TRPC4: variants seen among roughly 807,000 people sequenced by gnomAD.
TRPC4 encodes the protein transient receptor potential cation channel subfamily C member 4.
In TRPC4, 49 loss-of-function variants were observed where a neutral mutation model predicts 99.4. The ratio of observed to expected loss-of-function variants is 0.49; its 90% CI spans 0.39 to 0.63. The LOEUF is 0.63. TRPC4 is among the 20% of genes least tolerant of loss of function. TRPC4 has a pLI of 0.00. For missense variants in TRPC4, 898 were observed against 1,152.9 expected, an observed-to-expected ratio of 0.78 and a Z score of 3.20; for synonymous variants, 454 against 425.9, an observed-to-expected ratio of 1.07 and a Z score of -0.81.
Position 37,745,125 on chromosome 13 carries a change from C to T in TRPC4, c.897+812G>A, listed in dbSNP as rs73458353. ...AAATAAAACAATACCATATAATTTA[C>T]TAAGAGTCTTCACACATCCACATAT... is the stretch of plus-strand genomic sequence containing the variant. On this transcript the variant is annotated intron_variant, in intron 3 of 10. Transcript: ENST00000379705. Among the ~76,000 whole-genome samples the T allele has an allele frequency of 6.8e-3, 1,040 of 151,964 alleles. 9 individuals carry two copies. Among genetic ancestry groups the T allele is most frequent in the African/African-American group, 0.024 (984 of 41,470 alleles).
At chr13:37,739,575 G>A (rs1280204704) in intron 3 of TRPC4, among the ~76,000 whole-genome samples, 2 of 147,460 alleles carry the variant, frequency 1.4e-5, no homozygotes, top group South Asian at 2.2e-4. Flanking sequence ...GTATGATCTC[G>A]GCTCACTGCC....
intron 3 of TRPC4, among the ~76,000 whole-genome samples, chr13:37,740,498 A>T (rs76495707): frequency 0.015 from 2,283 of 152,314 alleles, 45 homozygotes; most frequent in African/African-American, 0.052. Context: ...TATACAGACA[A>T]GTAGGGTTCT....
chr13:37,727,997 T>G (rs961601876), intron 3 of TRPC4, among the ~76,000 whole-genome samples: 1 of 152,066 alleles, frequency 6.6e-6, no homozygotes, highest in African/African-American at 2.4e-5. Context: ...CAATACCCTT[T>G]CATGATAAAA....
In TRPC4 at chr13:37,745,893, T is replaced by G. The variant is rs114891607; in HGVS notation, c.897+44A>C. On this transcript the variant is annotated intron_variant, in intron 3 of 10. Coordinates refer to ENST00000379705, the MANE Select transcript of TRPC4 (RefSeq NM_016179.4). ...GAGTAGCAGTTTGCTTCACTGTGAT[T>G]AAACTCTATGGCATTTTGATGGATC... 1.8e-3 allele frequency: 2,838 copies of G among 1,565,622 alleles called. 38 individuals are homozygous for G. In the African/African-American group the frequency reaches 0.031, roughly 17 times the overall value.
intron 2 of TRPC4, among the ~76,000 whole-genome samples, chr13:37,766,275 C>A (rs1321008296): frequency 6.6e-6 from 1 of 151,370 alleles, no homozygotes; most frequent in African/African-American, 2.4e-5. Flanking sequence ...CATGGATCCT[C>A]ACATCTTAAC....
chr13:37,662,641 C>A (rs7337173), intron 6 of TRPC4, among the ~76,000 whole-genome samples: 55,089 of 151,796 alleles, frequency 0.36, 10,327 homozygotes, highest in African/African-American at 0.41. Flanking sequence ...ATGACTGTGT[C>A]TTCAAACGTG....
chr13:37,732,167 T>C (rs1182448796), intron 3 of TRPC4, among the ~76,000 whole-genome samples: 1 of 152,118 alleles, frequency 6.6e-6, no homozygotes, highest in Admixed American at 6.6e-5. Flanking sequence ...CAGAGTCTCA[T>C]GAAGGGGAGA....
At chr13:37,749,988 C>T (rs995573593) in intron 2 of TRPC4, among the ~76,000 whole-genome samples, 13 of 152,048 alleles carry the variant, frequency 8.5e-5, no homozygotes, top group African/African-American at 3.1e-4. Flanking sequence ...ACTTGTTACT[C>T]TTCTCAGTTA....
chr13:37,636,840 T>C lies in TRPC4; in HGVS notation c.*63A>G. The C allele has an allele frequency of 3.9e-6, 6 of 1,524,950 alleles. No homozygotes were observed. The highest frequency in any genetic ancestry group is 1.3e-5 in the South Asian group (1 of 75,480). The allele number at this position is 1,524,950 out of a possible 1,614,324, so 94.5% of individuals were successfully genotyped here. A position where few individuals can be genotyped will look rare whatever the true frequency, so the allele number is the denominator to read the frequency against. The stretch of plus-strand genomic sequence containing the variant: ...ATTTGCTAATACAATTTAAACATTT[T>C]CCCCCACCCAGAGCACTACGGAAAA... On this transcript the variant is annotated 3_prime_UTR_variant, in exon 11 of 11. Coordinates refer to ENST00000379705, the MANE Select transcript of TRPC4 (RefSeq NM_016179.4).
At chr13:37,823,083 C>T (rs1487735087) in intron 1 of TRPC4, among the ~76,000 whole-genome samples, 1 of 151,460 alleles carries the variant, frequency 6.6e-6, no homozygotes, top group African/African-American at 2.4e-5. Flanking sequence ...TGAGAAGTGT[C>T]TGTTCATATC....
At chr13:37,806,108 A>C (rs1957523775) in intron 1 of TRPC4, among the ~76,000 whole-genome samples, 1 of 151,992 alleles carries the variant, frequency 6.6e-6, no homozygotes, top group African/African-American at 2.4e-5. Context: ...TGATGAGTTC[A>C]GCTACAAACC....
intron 2 of TRPC4, among the ~76,000 whole-genome samples, chr13:37,772,272 T>C (rs1956572884): frequency 6.6e-6 from 1 of 151,732 alleles, no homozygotes; most frequent in Non-Finnish European, 1.5e-5. Flanking sequence ...AGGGAAAATA[T>C]GTCCAAACAA....
rs1156963631 is a variant in TRPC4, at chr13:37,812,197, C to CAAAAAAAAAA, written c.-27-28838_-27-28837insTTTTTTTTTT. 1.3e-4 allele frequency among the ~76,000 whole-genome samples: 15 copies of CAAAAAAAAAA among 111,188 alleles called. 1 individual carries two copies. Among genetic ancestry groups the CAAAAAAAAAA allele is most frequent in the African/African-American group, 4.7e-4 (15 of 32,014 alleles). The allele number at this position is 111,188 out of a possible 152,430, so 72.9% of individuals were successfully genotyped here. On this transcript the variant is annotated intron_variant, in intron 1 of 10. Coordinates refer to ENST00000379705, the MANE Select transcript of TRPC4 (RefSeq NM_016179.4). ...CTATCAAAAAAAAAAAAAAAAAAAC[C>CAAAAAAAAAA]AGGAGATCTAATTGCTTCAAGTAAA...
chr13:37,720,200 G>T (rs1372972405), intron 3 of TRPC4, among the ~76,000 whole-genome samples: 2 of 152,094 alleles, frequency 1.3e-5, no homozygotes, highest in Non-Finnish European at 2.9e-5. Context: ...TTGACATATT[G>T]CCCTATAAAA....
chr13:37,676,952 T>G (rs1275902413), intron 4 of TRPC4, among the ~76,000 whole-genome samples: 1 of 151,606 alleles, frequency 6.6e-6, no homozygotes, highest in African/African-American at 2.4e-5. Context: ...ACATATAAAA[T>G]ACATATATTT....
intron 1 of TRPC4, among the ~76,000 whole-genome samples, chr13:37,846,230 T>C (rs954494739): frequency 4.6e-5 from 7 of 152,130 alleles, no homozygotes; most frequent in South Asian, 4.1e-4. Flanking sequence ...TAAAATAACA[T>C]TTTAAAATTA....
At chr13:37,733,815 G>A (rs1289621942) in intron 3 of TRPC4, among the ~76,000 whole-genome samples, 6 of 152,180 alleles carry the variant, frequency 3.9e-5, no homozygotes, top group Admixed American at 2.0e-4. Context: ...ACTTAGATAC[G>A]GGTGGAGGAC....
chr13:37,684,212 C>T (rs1953372180), intron 4 of TRPC4, among the ~76,000 whole-genome samples: 1 of 152,098 alleles, frequency 6.6e-6, no homozygotes, highest in Admixed American at 6.6e-5. Context: ...GCAGACCATA[C>T]TTCAAAAAAC....
At chr13:37,670,057 C>G (rs900944010) in intron 5 of TRPC4, among the ~76,000 whole-genome samples, 3 of 152,108 alleles carry the variant, frequency 2.0e-5, no homozygotes, top group African/African-American at 7.2e-5. Flanking sequence ...CTCCCAACCC[C>G]TTATGCCCCA....
Sources: allele counts gnomAD v4.1 joint callset (sites outside exome capture counted in the v4.1 genomes callset), GRCh38; gene constraint gnomAD v4.1.1; transcripts MANE v1.5; gene names NCBI Gene and HGNC (gene_info 2026-07-23, HGNC 2026-07-21).